The following ARHGEF3 variants were observed in gnomAD, a reference collection of about 807,000 sequenced individuals.
ARHGEF3 encodes the protein 59.8 kDA protein.
ARHGEF3 carries 28 observed loss-of-function variants against 63.2 expected under a neutral mutation model. That is an observed-to-expected ratio of 0.44 (90% CI 0.33 to 0.61). The LOEUF (loss-of-function observed/expected upper bound fraction) is 0.61. Among genes scored for constraint, ARHGEF3 ranks in the 20% least tolerant of loss-of-function variants. ARHGEF3 has a pLI of 0.03. For synonymous variants in ARHGEF3, 266 were observed against 254.2 expected, an observed-to-expected ratio of 1.05 and a Z score of -0.44; for missense variants, 533 against 659.3, an observed-to-expected ratio of 0.81 and a Z score of 2.10.
At chr3:56,988,235 C>T (rs1560110164) in intron 2 of ARHGEF3, among the ~76,000 whole-genome samples, 1 of 152,206 alleles carries the variant, frequency 6.6e-6, no homozygotes, top group Non-Finnish European at 1.5e-5. Flanking sequence ...CAACCTTCGC[C>T]TCCCAGGTTC....
rs1579013527 is a variant in ARHGEF3 at position 56,980,862 on chromosome 3, C to T, written c.63-21973G>A. Among the ~76,000 whole-genome samples the T allele has an allele frequency of 2.0e-5, 3 of 152,246 alleles. No homozygotes were observed. In the South Asian group the frequency reaches 6.2e-4, roughly 32 times the overall value. ...GGCTTCAAGTCAAGTTCATCGGCCT[C>T]CGAGGCTCTTGCCTGACTGCACTAC... is the stretch of plus-strand genomic sequence containing the variant. On this transcript the variant is annotated intron_variant, in intron 2 of 12. Transcript: ENST00000338458.
In ARHGEF3 at chr3:56,732,362, C is replaced by A. The variant is rs2033230546; in HGVS notation, c.1104G>T (p.Glu368Asp). 6.2e-7 allele frequency: 1 copy of A among 1,614,176 alleles called. No individual in the cohort carries two copies. Among genetic ancestry groups the A allele is most frequent in the Non-Finnish European group, 8.5e-7 (1 of 1,180,038 alleles). Residue 368 changes from glutamate to aspartate, a missense_variant, in exon 9 of 10, where the codon GAG becomes GAT. This residue lies in a region of ARHGEF3 where 151 missense variants were observed against 190.7 expected (regional missense o/e 0.79). Coordinates refer to ENST00000296315, the MANE Select transcript of ARHGEF3 (RefSeq NM_019555.3). ...LVITRAVTHN[E>D]QLCYQLYRQP... ...GACGGTACAGCTGGTAGCAAAGCTG[C>A]TCATTGTGGGTGACGGCTCGAGTGA...
At chr3:57,029,158 T>C (rs1351039370) in intron 2 of ARHGEF3, among the ~76,000 whole-genome samples, 1 of 152,162 alleles carries the variant, frequency 6.6e-6, no homozygotes, top group South Asian at 2.1e-4. Context: ...GGGCCGGGCG[T>C]GGTGGCTCAC....
chr3:56,883,963 A>T (rs1228297291), intron 3 of ARHGEF3, among the ~76,000 whole-genome samples: 1 of 152,188 alleles, frequency 6.6e-6, no homozygotes, highest in Non-Finnish European at 1.5e-5. Context: ...CAATTTAACA[A>T]AGGTTTGTTG....
At chr3:56,845,354 A>G (rs893315418) in intron 4 of ARHGEF3, among the ~76,000 whole-genome samples, 1 of 152,238 alleles carries the variant, frequency 6.6e-6, no homozygotes, top group Non-Finnish European at 1.5e-5. Flanking sequence ...TGTTACAGAT[A>G]ACTAATATAT....
chr3:57,020,049 C>T (rs1478902579), intron 2 of ARHGEF3, among the ~76,000 whole-genome samples: 1 of 152,162 alleles, frequency 6.6e-6, no homozygotes, highest in Non-Finnish European at 1.5e-5. Context: ...CAGGCGAGCG[C>T]CACCTCGCCC....
intron 3 of ARHGEF3, among the ~76,000 whole-genome samples, chr3:56,944,564 G>A (rs1338035349): frequency 1.1e-5 from 1 of 87,892 alleles, no homozygotes; most frequent in African/African-American, 3.1e-5. Flanking sequence ...AAAGAAAGTG[G>A]TTTCTTTTTT....
At chr3:56,967,820 AAT>A (rs1457227370) in intron 2 of ARHGEF3, among the ~76,000 whole-genome samples, 30 of 72,678 alleles carry the variant, frequency 4.1e-4, no homozygotes, top group African/African-American at 1.4e-3. Context: ...TATATTATAT[AAT>A]ATAATATATA....
intron 2 of ARHGEF3, among the ~76,000 whole-genome samples, chr3:56,974,192 A>T (rs140318563): frequency 2.0e-3 from 310 of 152,326 alleles, no homozygotes; most frequent in Non-Finnish European, 3.9e-3. Context: ...ACTATTTGTA[A>T]GACTTTTTTG....
At chr3:56,763,416 A>G (rs879483022) in intron 2 of ARHGEF3, among the ~76,000 whole-genome samples, 8 of 152,198 alleles carry the variant, frequency 5.3e-5, no homozygotes, top group Non-Finnish European at 1.0e-4. Context: ...TTCCATTAGG[A>G]TAACTCCTAG....
chr3:56,810,186 T>G (rs748359564), intron 4 of ARHGEF3, among the ~76,000 whole-genome samples: 7 of 152,194 alleles, frequency 4.6e-5, no homozygotes, highest in Non-Finnish European at 7.3e-5. Flanking sequence ...AACTACAAAC[T>G]CAGTAATCAA....
intron 1 of ARHGEF3, among the ~76,000 whole-genome samples, chr3:56,782,667 TG>T (rs2036616007): frequency 8.0e-6 from 1 of 125,038 alleles, no homozygotes; most frequent in Non-Finnish European, 1.8e-5. Context: ...AAAAAAAAGC[TG>T]GGGTTTGTTT....
chr3:56,894,682 T>A (rs2041242103), intron 3 of ARHGEF3, among the ~76,000 whole-genome samples: 1 of 152,206 alleles, frequency 6.6e-6, no homozygotes, highest in Non-Finnish European at 1.5e-5. Flanking sequence ...TGCCATTTTA[T>A]GGGCAAATGG....
rs192151092 is a variant in ARHGEF3, at chr3:56,785,797, G to A, written c.97-11981C>T. 2.0e-5 allele frequency among the ~76,000 whole-genome samples: 3 copies of A among 152,298 alleles called. No individual in the cohort carries two copies. The East Asian group carries it at 5.8e-4, about 29-fold the overall frequency. On this transcript the variant is annotated intron_variant, in intron 1 of 9. Coordinates refer to ENST00000296315, the MANE Select transcript of ARHGEF3 (RefSeq NM_019555.3). ...AAGCTGACAGTCAGGTCTGTCATCC[G>A]ACTGAAAACTAGACAGGGACCAGGG...
chr3:57,070,969 C>G (rs1435026748), intron 1 of ARHGEF3, among the ~76,000 whole-genome samples: 1 of 59,048 alleles, frequency 1.7e-5, no homozygotes, highest in African/African-American at 9.1e-5. Context: ...AAGACTCTGT[C>G]ACAAAAAAAA....
rs557162555 is a variant in ARHGEF3, at chr3:57,021,623, C to T, written c.62+13465G>A. ...AAAAAATTAGCCAGGCATGGTGGTGCGTGCCTGTAACCCCAGCTACTTGGG... is the reference window on the plus strand; with the variant it reads ...AAAAAATTAGCCAGGCATGGTGGTGTGTGCCTGTAACCCCAGCTACTTGGG... On this transcript the variant is annotated intron_variant, in intron 2 of 12. Coordinates refer to the ARHGEF3 transcript ENST00000338458. Among the ~76,000 whole-genome samples the T allele has an allele frequency of 5.3e-5, 8 of 152,042 alleles. 1 individual carries two copies. The South Asian group carries it at 1.3e-3, about 24-fold the overall frequency.
intron 3 of ARHGEF3, among the ~76,000 whole-genome samples, chr3:56,897,900 G>A (rs1044086755): frequency 6.6e-5 from 10 of 151,872 alleles, no homozygotes; most frequent in African/African-American, 2.4e-4. Context: ...TTATTTTTGA[G>A]ACAGGGTCGC....
At chr3:57,068,827 A>G (rs1296514480) in intron 1 of ARHGEF3, among the ~76,000 whole-genome samples, 2 of 152,034 alleles carry the variant, frequency 1.3e-5, no homozygotes, top group African/African-American at 4.8e-5. Flanking sequence ...ACACACGCAC[A>G]CACCCCCCTC....
At chr3:56,918,117 G>C (rs1278618789) in intron 3 of ARHGEF3, among the ~76,000 whole-genome samples, 2 of 152,176 alleles carry the variant, frequency 1.3e-5, no homozygotes, top group African/African-American at 4.8e-5. Flanking sequence ...TCCTACACAG[G>C]AAGGGTCCTA....
Sources: gnomAD v4.1 joint callset for allele counts (sites outside exome capture counted in the v4.1 genomes callset) on GRCh38, gnomAD v4.1.1 for gene constraint, gnomAD v4.1.1 regional missense constraint, MANE v1.5 for transcripts, NCBI Gene and HGNC (gene_info 2026-07-23, HGNC 2026-07-21) for gene names.